Variants in MAPK6 observed in about 807,000 individuals in gnomAD.
The protein encoded by MAPK6 is mitogen-activated protein kinase 6.
A neutral mutation model predicts 59.3 loss-of-function variants in MAPK6; 19 were observed. The ratio of observed to expected loss-of-function variants is 0.32; its 90% confidence interval spans 0.22 to 0.47. The LOEUF is 0.47. MAPK6 is among the 20% of genes least tolerant of loss of function. The pLI is 1.00. For missense variants in MAPK6, 724 were observed against 847.9 expected (o/e 0.85, Z 1.81); for synonymous variants, 316 against 290.3 (o/e 1.09, Z -0.90).
chr15:51,981,904 A>C (rs1400395791), intron 1 of MAPK6, among the ~76,000 whole-genome samples: 5 of 152,190 alleles, frequency 3.3e-5, no homozygotes, highest in African/African-American at 1.2e-4. Context: ...AAGGAAAGAA[A>C]GGACGGAAAA....
At chr15:51,978,795 A>C (rs893548739) in intron 1 of MAPK6, among the ~76,000 whole-genome samples, 1 of 151,870 alleles carries the variant, frequency 6.6e-6, no homozygotes, top group South Asian at 2.1e-4. Context: ...TATAACATAG[A>C]TTACATTACA....
rs760190701 is a variant in MAPK6 at position 52,064,205 on chromosome 15, A to G, written c.1371A>G (p.Leu457=). The G allele has an allele frequency of 1.6e-5, 26 of 1,611,676 alleles. No homozygotes were observed. The highest frequency in any genetic ancestry group is 2.0e-5 in the Non-Finnish European group (23 of 1,179,482). The part of the protein sequence containing the change: ...KTRSSSYLDN[L]VWRESEVNHY... Reference sequence around the variant, plus strand: ...GGTCATCATCATATTTAGATAACTTAGTTTGGAGAGAGAGTGAAGTTAACC... The same window carrying G: ...GGTCATCATCATATTTAGATAACTTGGTTTGGAGAGAGAGTGAAGTTAACC... The change falls in exon 6 of 6, where the codon TTA becomes TTG. Residue 457 remains leucine (L), a synonymous_variant. Coordinates refer to ENST00000261845, the MANE Select transcript of MAPK6 (RefSeq NM_002748.4).
rs534617445 is a variant in MAPK6 at position 52,064,213 on chromosome 15, G to A, written c.1379G>A (p.Arg460Lys). 4.5e-5 allele frequency: 72 copies of A among 1,611,540 alleles called. No homozygotes were observed. The East Asian group carries it at 1.6e-3, about 36-fold the overall frequency. ...SSSYLDNLVW[R>K]ESEVNHYYEP... Reference sequence around the variant, plus strand: ...TCATATTTAGATAACTTAGTTTGGAGAGAGAGTGAAGTTAACCATTACTAT... The same window carrying A: ...TCATATTTAGATAACTTAGTTTGGAAAGAGAGTGAAGTTAACCATTACTAT... Residue 460 changes from arginine to lysine, a missense_variant, in exon 6 of 6, where the codon AGA becomes AAA. By Grantham distance (26) the Arg-to-Lys change is conservative. This residue lies in a region of MAPK6 where 502 missense variants were observed against 507.6 expected (regional missense o/e 0.99). Transcript: ENST00000261845.
intron 2 of MAPK6, among the ~76,000 whole-genome samples, chr15:51,997,607 T>G (rs2057228617): frequency 1.3e-5 from 2 of 149,134 alleles, no homozygotes; most frequent in African/African-American, 5.0e-5. Flanking sequence ...TTTTTTTTTT[T>G]GAGATGGAGT....
intron 2 of MAPK6, among the ~76,000 whole-genome samples, chr15:51,998,993 T>TG (rs1282609161): frequency 6.9e-5 from 8 of 116,550 alleles, no homozygotes; most frequent in African/African-American, 2.7e-4. Flanking sequence ...CCCGGCCTTT[T>TG]TTTTTTGTTT....
chr15:51,987,762 CTTTT>C (rs775968493), intron 2 of MAPK6, among the ~76,000 whole-genome samples: 1 of 125,492 alleles, frequency 8.0e-6, no homozygotes, highest in Non-Finnish European at 1.6e-5. Flanking sequence ...GCTCATAGTA[CTTTT>C]TTTTTTTTTT....
At chr15:52,010,511 A>C (rs1377774760) in intron 3 of MAPK6, among the ~76,000 whole-genome samples, 1 of 126,748 alleles carries the variant, frequency 7.9e-6, no homozygotes, top group Non-Finnish European at 1.6e-5. Flanking sequence ...CATTGCACCC[A>C]GCCTTTTTTT....
Position 52,043,742 on chromosome 15 carries a change from A to ATTTTTTTTTT in MAPK6, c.-631-2063_-631-2054dup, listed in dbSNP as rs71130125. Among the ~76,000 whole-genome samples, 80 of 40,662 alleles carry ATTTTTTTTTT rather than the reference A, an allele frequency of 2.0e-3. 9 individuals are homozygous for ATTTTTTTTTT. Among genetic ancestry groups the ATTTTTTTTTT allele is most frequent in the South Asian group, 3.0e-3 (2 of 666 alleles). The allele number at this position is 40,662 out of a possible 152,430, so 26.7% of individuals were successfully genotyped here. On this transcript the variant is annotated intron_variant, in intron 1 of 5. Transcript: ENST00000261845. ...TGATATGTTGGACTTAAGTTGTTTG[A>ATTTTTTTTTT]TTTTTTTTTTTTTTTTTTTTTTTTT...
At chr15:51,997,923 C>CTCTCTCTTTCTTTCTTTCTTTCTT (rs2057230023) in intron 2 of MAPK6, among the ~76,000 whole-genome samples, 1 of 131,182 alleles carries the variant, frequency 7.6e-6, no homozygotes, top group African/African-American at 3.9e-5. Flanking sequence ...TTCTTTCTTT[C>CTCTCTCTTTCTTTCTTTCTTTCTT]TCTTTCTTTC....
chr15:52,057,118 C>G (rs1372714386), intron 3 of MAPK6: 1 of 152,198 alleles, frequency 6.6e-6, no homozygotes, highest in Non-Finnish European at 1.5e-5. Flanking sequence ...TATCCAGACT[C>G]TTAACGGCTT....
chr15:52,065,107 G>A lies in MAPK6; in HGVS notation c.*107G>A. ...TACTTGAATCAGATGGTGTCATTTA[G>A]TAAGGATTTTATGAGTTCTTGTTTT... is the stretch of plus-strand genomic sequence containing the variant. On this transcript the variant is annotated 3_prime_UTR_variant, in exon 6 of 6. Transcript: ENST00000261845. The A allele has an allele frequency of 9.3e-7, 1 of 1,079,162 alleles. No homozygotes were observed. Among genetic ancestry groups the A allele is most frequent in the East Asian group, 2.6e-5 (1 of 38,850 alleles). 66.8% of individuals were successfully genotyped at this position (1,079,162 alleles called of 1,614,324 possible). A position where few individuals can be genotyped will look rare whatever the true frequency, so the allele number is the denominator to read the frequency against.
intron 1 of MAPK6, among the ~76,000 whole-genome samples, chr15:52,036,051 T>G (rs2031229780): frequency 6.6e-6 from 1 of 152,120 alleles, no homozygotes; most frequent in African/African-American, 2.4e-5. Flanking sequence ...TTACAAAATT[T>G]GAGAGCTGGA....
intron 1 of MAPK6, among the ~76,000 whole-genome samples, chr15:52,019,672 C>G (rs12910421): frequency 6.8e-6 from 1 of 147,774 alleles, no homozygotes; most frequent in Non-Finnish European, 1.5e-5. Context: ...GCGCGCCCCT[C>G]CCACCCGGCA....
chr15:52,016,070 G>GCGCGCGCGCACGCACACACA, upstream of MAPK6, among the ~76,000 whole-genome samples: 1 of 55,392 alleles, frequency 1.8e-5, no homozygotes, highest in South Asian at 1.1e-3. Context: ...GCGCGCGCGC[G>GCGCGCGCGCACGCACACACA]CACACACACA....
chr15:52,023,115 A>AC (rs1267121867), intron 1 of MAPK6, among the ~76,000 whole-genome samples: 2 of 151,082 alleles, frequency 1.3e-5, no homozygotes, highest in African/African-American at 2.4e-5. Flanking sequence ...TCAAAAAAAA[A>AC]AAAAAAAAAA....
chr15:51,998,454 C>G (rs938557693), intron 2 of MAPK6, among the ~76,000 whole-genome samples: 1 of 151,024 alleles, frequency 6.6e-6, no homozygotes, highest in Non-Finnish European at 1.5e-5. Flanking sequence ...ATCCACCGGC[C>G]TCAGCCTCAT....
intron 3 of MAPK6, among the ~76,000 whole-genome samples, chr15:52,056,207 C>T (rs915226371): frequency 1.3e-5 from 2 of 152,230 alleles, no homozygotes; most frequent in Non-Finnish European, 2.9e-5. Flanking sequence ...ATAGGTGTTC[C>T]TGTCCCAGGT....
chr15:52,049,893 A>G (rs1596000388), intron 2 of MAPK6, 100 bp from the exon 3 acceptor site: 2 of 1,098,344 alleles, frequency 1.8e-6, no homozygotes, highest in Non-Finnish European at 2.7e-6. Context: ...GATTACAGGC[A>G]TGAGCCACCA....
chr15:52,026,251 A>G (rs1216819584), intron 1 of MAPK6, among the ~76,000 whole-genome samples: 1 of 152,156 alleles, frequency 6.6e-6, no homozygotes, highest in Non-Finnish European at 1.5e-5. Context: ...AATTCCAGGT[A>G]CCGAAACAGT....
Sources: gnomAD v4.1 joint callset for allele counts (sites outside exome capture counted in the v4.1 genomes callset) on GRCh38, gnomAD v4.1.1 for gene constraint, gnomAD v4.1.1 regional missense constraint, MANE v1.5 for transcripts, NCBI Gene and HGNC (gene_info 2026-07-23, HGNC 2026-07-21) for gene names.